NUP62: variants seen among roughly 807,000 people sequenced by gnomAD.
NUP62 encodes nuclear pore glycoprotein p62.
For synonymous variants in NUP62, 305 were observed against 303.4 expected (o/e 1.01, Z -0.05); for missense variants, 647 against 689.4 (o/e 0.94, Z 0.69).
rs192978399 is a variant in NUP62, at chr19:49,914,061, G to A, written c.-77-4177C>T. 5.2e-3 allele frequency among the ~76,000 whole-genome samples: 797 copies of A among 152,246 alleles called. 18 individuals are homozygous for A. The highest frequency in any genetic ancestry group is 0.047 in the Admixed American group (715 of 15,286). The stretch of plus-strand genomic sequence containing the variant: ...ACCACAGGGTCTGTCCAGGTTAACA[G>A]TGACAGGCCAGGCATGATGGCTCAC... On this transcript the variant is annotated intron_variant, in intron 2 of 2. Coordinates refer to ENST00000352066, the MANE Select transcript of NUP62 (RefSeq NM_016553.5).
chr19:49,917,052 G>A (rs1368106605), intron 2 of NUP62, among the ~76,000 whole-genome samples: 1 of 152,272 alleles, frequency 6.6e-6, no homozygotes, highest in Non-Finnish European at 1.5e-5. Context: ...GTCTCCGTGG[G>A]ACCTCCCCTT....
intron 2 of NUP62, among the ~76,000 whole-genome samples, chr19:49,916,914 C>A (rs1210224555): frequency 2.0e-5 from 3 of 152,200 alleles, no homozygotes; most frequent in African/African-American, 7.2e-5. Flanking sequence ...GAGCGAGACC[C>A]CGTCTCAAAC....
At chr19:49,916,078 ACACCGAGCC>A (rs1361275124) in intron 2 of NUP62, among the ~76,000 whole-genome samples, 1 of 152,242 alleles carries the variant, frequency 6.6e-6, no homozygotes, top group Non-Finnish European at 1.5e-5. Context: ...GCACTGCAGC[ACACCGAGCC>A]CTTCCTGGGT....
chr19:49,916,681 A>T (rs1373798338), intron 2 of NUP62, among the ~76,000 whole-genome samples: 1 of 151,648 alleles, frequency 6.6e-6, no homozygotes, highest in Admixed American at 6.6e-5. Context: ...GGAGAATGGC[A>T]TCAACCCGGG....
At chr19:49,913,975 C>T (rs1303075191) in intron 2 of NUP62, among the ~76,000 whole-genome samples, 4 of 152,040 alleles carry the variant, frequency 2.6e-5, no homozygotes, top group Admixed American at 6.6e-5. Context: ...GCCTGAGGCC[C>T]GAACTGGAAC....
At chr19:49,911,611 C>T (rs2075464886) in intron 2 of NUP62, among the ~76,000 whole-genome samples, 1 of 152,294 alleles carries the variant, frequency 6.6e-6, no homozygotes, top group East Asian at 1.9e-4. Context: ...TTCGTCTGCT[C>T]CTCCTTCTCC....
chr19:49,920,987 T>C (rs752029126), intron 2 of NUP62, among the ~76,000 whole-genome samples: 3 of 152,268 alleles, frequency 2.0e-5, no homozygotes, highest in Middle Eastern at 3.4e-3. Flanking sequence ...GAGGTTTCTC[T>C]GGGAACCAGG....
chr19:49,929,267 C>T, intron 1 of NUP62, 59 bp downstream of exon 1: 1 of 153,704 alleles, frequency 6.5e-6, no homozygotes, highest in Non-Finnish European at 1.4e-5. Context: ...CCTGCGTAGC[C>T]CCGGCCATGG....
rs2075342541 is a variant in NUP62 at position 49,907,287 on chromosome 19, C to T, written c.*952G>A. ...CCTGAGCTTCGGGTAGCTGGGAAGGCTTCCTGGAGGAGGTGAGGCCCAAGG... is the reference window on the plus strand; with the variant it reads ...CCTGAGCTTCGGGTAGCTGGGAAGGTTTCCTGGAGGAGGTGAGGCCCAAGG... On this transcript the variant is annotated 3_prime_UTR_variant, in exon 3 of 3. Transcript: ENST00000352066. 1 of 297,978 alleles carries T rather than the reference C, an allele frequency of 3.4e-6. No homozygotes were observed. Among genetic ancestry groups the T allele is most frequent in the Non-Finnish European group, 6.5e-6 (1 of 153,916 alleles). The allele number at this position is 297,978 out of a possible 1,614,324, so 18.5% of individuals were successfully genotyped here. A position where few individuals can be genotyped will look rare whatever the true frequency, so the allele number is the denominator to read the frequency against.
chr19:49,909,974 G>A (rs2075421984), intron 2 of NUP62, 90 bp from the exon 3 acceptor site: 5 of 732,834 alleles, frequency 6.8e-6, no homozygotes, highest in Admixed American at 4.0e-5. Flanking sequence ...GGAGGGTGGT[G>A]GGATGGGATA....
chr19:49,910,159 C>T (rs1216280012), intron 2 of NUP62, among the ~76,000 whole-genome samples: 2 of 152,016 alleles, frequency 1.3e-5, no homozygotes, highest in South Asian at 2.1e-4. Context: ...GAGAACAGGA[C>T]CTTGGACCCA....
chr19:49,923,192 C>T (rs1374925415), intron 2 of NUP62, among the ~76,000 whole-genome samples: 1 of 152,170 alleles, frequency 6.6e-6, no homozygotes, highest in African/African-American at 2.4e-5. Context: ...GTCTCCCAGC[C>T]CCCGCGTCAT....
chr19:49,914,762 T>G (rs1235441404), intron 2 of NUP62, among the ~76,000 whole-genome samples: 2 of 119,180 alleles, frequency 1.7e-5, no homozygotes, highest in Non-Finnish European at 3.5e-5. Flanking sequence ...TTTTTTGAGA[T>G]GGAGTCTTGC....
At chr19:49,914,044 G>T (rs187940270) in intron 2 of NUP62, among the ~76,000 whole-genome samples, 24 of 152,200 alleles carry the variant, frequency 1.6e-4, no homozygotes, top group South Asian at 6.2e-4. Context: ...AAACCACAGG[G>T]TCTGTCCAGG....
intron 2 of NUP62, among the ~76,000 whole-genome samples, chr19:49,914,840 A>C (rs1463902518): frequency 6.9e-6 from 1 of 144,086 alleles, no homozygotes; most frequent in Admixed American, 7.4e-5. Context: ...CCCGGGTTCA[A>C]GCAATTCTCC....
Position 49,907,672 on chromosome 19 carries a change from G to C in NUP62, c.*567C>G, listed in dbSNP as rs944503832. 5.5e-6 allele frequency: 2 copies of C among 364,206 alleles called. No homozygotes were observed. Among genetic ancestry groups the C allele is most frequent in the Non-Finnish European group, 1.0e-5 (2 of 190,880 alleles). The allele number at this position is 364,206 out of a possible 1,614,324, so 22.6% of individuals were successfully genotyped here. A position where few individuals can be genotyped will look rare whatever the true frequency, so the allele number is the denominator to read the frequency against. On this transcript the variant is annotated 3_prime_UTR_variant, in exon 3 of 3. Transcript: ENST00000352066. ...CTCAGCCTCCCGAGTAGCTGAGATT[G>C]AGATCACAGGCGTCCACCACACCTG...
chr19:49,926,604 A>G (rs1290745), intron 2 of NUP62, among the ~76,000 whole-genome samples: 36,062 of 152,148 alleles, frequency 0.24, 4,433 homozygotes, highest in African/African-American at 0.28. Context: ...AAAAGATTCT[A>G]CCGGCGGGGC....
intron 2 of NUP62, among the ~76,000 whole-genome samples, chr19:49,914,885 G>A (rs759388630): frequency 1.4e-4 from 21 of 151,484 alleles, no homozygotes; most frequent in Non-Finnish European, 2.4e-4. Flanking sequence ...GATTACAGGC[G>A]TGCACCACCA....
chr19:49,908,412 C>T lies in NUP62; in HGVS notation c.1396G>A (p.Asp466Asn), dbSNP rs534262181. The change falls in exon 3 of 3, where the codon GAC becomes AAC. Residue 466 changes from aspartate to asparagine, a missense_variant. Asp to Asn is a conservative substitution (Grantham distance 23). Coordinates refer to ENST00000352066, the MANE Select transcript of NUP62 (RefSeq NM_016553.5). ...ATCTGCTGCAGTGGGTCACTGGTGT[C>T]GGCGGGGGCCCCGGACGTGTTCAGG... ...EHLNTSGAPA[D>N]TSDPLQQICK... The T allele has an allele frequency of 2.2e-5, 36 of 1,614,150 alleles. No individual in the cohort carries two copies. The highest frequency in any genetic ancestry group is 5.0e-5 in the Admixed American group (3 of 60,024).
Sources: gnomAD v4.1 joint callset for allele counts (sites outside exome capture counted in the v4.1 genomes callset) on GRCh38, gnomAD v4.1.1 for gene constraint, MANE v1.5 for transcripts, NCBI Gene and HGNC (gene_info 2026-07-23, HGNC 2026-07-21) for gene names.